Variants in RNASEH2B observed in about 807,000 individuals in gnomAD.
RNASEH2B encodes ribonuclease H2 subunit B, also known as Aicardi-Goutieres syndrome 2 protein.
In RNASEH2B, 36 loss-of-function variants were observed where a neutral mutation model predicts 45.0. That is an observed-to-expected ratio of 0.80 (90% confidence interval 0.61 to 1.06). The LOEUF (loss-of-function observed/expected upper bound fraction) is 1.06. RNASEH2B is among the 50% of genes least tolerant of loss of function. The pLI is 0.00. For synonymous variants in RNASEH2B, 119 were observed against 125.7 expected (o/e 0.95, Z 0.35); for missense variants, 361 against 360.3 (o/e 1.00, Z -0.02).
chr13:50,970,236 G>A (rs908262436), exon 10 of RNASEH2B: 9 of 564,048 alleles, frequency 1.6e-5, no homozygotes, highest in African/African-American at 1.2e-4. Flanking sequence ...AGGACCTCAA[G>A]CTTGGGTCAG....
At chr13:50,956,277 C>A in intron 10 of RNASEH2B, 81 bp from the exon 11 acceptor site, 2 of 1,154,826 alleles carry the variant, frequency 1.7e-6, no homozygotes, top group Admixed American at 2.1e-5. Context: ...AAACTTGAGA[C>A]ATGCAGTCTT....
downstream of RNASEH2B, among the ~76,000 whole-genome samples, chr13:50,961,615 C>G (rs1952112031): frequency 1.3e-5 from 2 of 152,030 alleles, no homozygotes; most frequent in African/African-American, 2.4e-5. Flanking sequence ...TCAAAGAACC[C>G]TGGTTCCTTT....
chr13:50,956,720 A>T lies in RNASEH2B; in HGVS notation c.*246A>T, dbSNP rs147825612. Reference sequence around the variant, plus strand: ...AAGTAATCACTTGAAGAGAATTAACATATAGCATCATGATTTTCTCAATAA... The same window carrying T: ...AAGTAATCACTTGAAGAGAATTAACTTATAGCATCATGATTTTCTCAATAA... On this transcript the variant is annotated 3_prime_UTR_variant, in exon 11 of 11. Transcript: ENST00000336617. 8.2e-7 allele frequency: 1 copy of T among 1,221,552 alleles called. No homozygotes were observed. Among genetic ancestry groups the T allele is most frequent in the Non-Finnish European group, 1.0e-6 (1 of 966,978 alleles). 75.7% of individuals were successfully genotyped at this position (1,221,552 alleles called of 1,614,324 possible).
At chr13:50,930,846 A>G (rs901159162) in intron 4 of RNASEH2B, 87 bp downstream of exon 4, 7 of 997,394 alleles carry the variant, frequency 7.0e-6, no homozygotes, top group Non-Finnish European at 1.1e-5. Flanking sequence ...TAATGATCCA[A>G]AGGTGGATTC....
chr13:50,932,521 G>A (rs1329698887), intron 4 of RNASEH2B, among the ~76,000 whole-genome samples: 1 of 152,158 alleles, frequency 6.6e-6, no homozygotes, highest in African/African-American at 2.4e-5. Flanking sequence ...CACCAGACTC[G>A]TGCTAAAGAG....
chr13:50,960,028 C>G (rs532824530), downstream of RNASEH2B: 1 of 390,026 alleles, frequency 2.6e-6, no homozygotes, highest in Admixed American at 4.5e-5. Context: ...TTACTCAAGT[C>G]TTAAGAATAC....
At chr13:50,937,026 T>C (rs1209432007) in intron 5 of RNASEH2B, 2 of 152,128 alleles carry the variant, frequency 1.3e-5, no homozygotes, top group Non-Finnish European at 2.9e-5. Context: ...AGGCCTCAAT[T>C]TTTTTCTTTA....
chr13:50,941,477 C>T (rs1401554914), intron 5 of RNASEH2B: 1 of 152,222 alleles, frequency 6.6e-6, no homozygotes, highest in Non-Finnish European at 1.5e-5. Context: ...AGATGGTAGA[C>T]ATTCTTTGAG....
At position 50,956,656 on chromosome 13, in the gene RNASEH2B, A is replaced by G. The variant is rs906639118; in HGVS notation, c.*182A>G. On this transcript the variant is annotated 3_prime_UTR_variant, in exon 11 of 11. Transcript: ENST00000336617. ...AAAATATGGGAAAGTGTCTAACTTCATGGCTATGGCCTTTTGGAGTCTCAT... is the reference window on the plus strand; with the variant it reads ...AAAATATGGGAAAGTGTCTAACTTCGTGGCTATGGCCTTTTGGAGTCTCAT... 2.9e-6 allele frequency: 4 copies of G among 1,376,458 alleles called. No homozygotes were observed. In the African/African-American group the frequency reaches 5.9e-5, roughly 20 times the overall value. 85.3% of individuals were successfully genotyped at this position (1,376,458 alleles called of 1,614,324 possible).
In RNASEH2B at chr13:50,956,434, T is replaced by G; in HGVS notation, c.899T>G (p.Phe300Cys). 1 of 1,601,054 alleles carries G rather than the reference T, an allele frequency of 6.2e-7. No individual in the cohort carries two copies. The change falls in exon 11 of 11, where the codon TTT becomes TGT. Residue 300 changes from phenylalanine (F) to cysteine (C), a missense_variant. Transcript: ENST00000336617. The stretch of plus-strand genomic sequence containing the variant: ...AGTGGAATGAAAAGTATTGATACCT[T>G]TTTTGGGGTAAAAAATAAAAAAAAA... ...DKSGMKSIDT[F>C]FGVKNKKKIG...
Position 50,909,973 on chromosome 13 carries a change from C to A in RNASEH2B, c.-104C>A. 4 of 1,030,326 alleles carry A rather than the reference C, an allele frequency of 3.9e-6. No homozygotes were observed. The highest frequency in any genetic ancestry group is 4.0e-6 in the Non-Finnish European group (3 of 742,950). 63.8% of individuals were successfully genotyped at this position (1,030,326 alleles called of 1,614,324 possible). On this transcript the variant is annotated 5_prime_UTR_variant, in exon 1 of 11. Transcript: ENST00000336617. ...CCCGGGCGCTGCCGGTCCCTCAGCG[C>A]GCCGCGCCACCCGGAACAGACCCTT...
chr13:50,925,060 C>T (rs1357996378), intron 1 of RNASEH2B, among the ~76,000 whole-genome samples: 2 of 151,796 alleles, frequency 1.3e-5, no homozygotes, highest in Non-Finnish European at 2.9e-5. Flanking sequence ...AAAGTTGTCC[C>T]GTAGTTTACT....
chr13:50,912,257 T>A (rs1284652257), intron 1 of RNASEH2B: 1 of 152,256 alleles, frequency 6.6e-6, no homozygotes, highest in Non-Finnish European at 1.5e-5. Flanking sequence ...GCGACTGCAG[T>A]GCAACACTAG....
chr13:50,925,162 C>T (rs1376604044), intron 1 of RNASEH2B, among the ~76,000 whole-genome samples: 1 of 151,826 alleles, frequency 6.6e-6, no homozygotes, highest in Non-Finnish European at 1.5e-5. Context: ...TTTTCTTCAG[C>T]TATTAATTTT....
At chr13:50,937,139 C>A (rs1951763572) in intron 5 of RNASEH2B, 1 of 152,074 alleles carries the variant, frequency 6.6e-6, no homozygotes, top group Non-Finnish European at 1.5e-5. Context: ...TTATCAAATT[C>A]TTCCCTTAAT....
chr13:50,950,205 G>T (rs1195846246), intron 9 of RNASEH2B: 1 of 152,298 alleles, frequency 6.6e-6, no homozygotes, highest in Non-Finnish European at 1.5e-5. Flanking sequence ...CAGCTTGTCA[G>T]TGAGGTCATT....
chr13:50,922,344 G>T (rs551135769), intron 1 of RNASEH2B, among the ~76,000 whole-genome samples: 2 of 152,316 alleles, frequency 1.3e-5, no homozygotes, highest in East Asian at 3.9e-4. Context: ...GCAGGGCTAT[G>T]TGCATGCTCA....
In RNASEH2B at chr13:50,953,968, G is replaced by T; in HGVS notation, c.805G>T (p.Asp269Tyr). Residue 269 changes from aspartate (D) to tyrosine (Y), a missense_variant, in exon 10 of 11, where the codon GAT (aspartate) becomes TAT (tyrosine). Coordinates refer to ENST00000336617, the MANE Select transcript of RNASEH2B (RefSeq NM_024570.4). ...KEDYTKFNTK[D>Y]LKTEKKNSKM... ...AGATTACACTAAGTTTAATACTAAA[G>T]ATTTGAAGACTGAAAAGGTATGTGG... 1 of 1,601,552 alleles carries T rather than the reference G, an allele frequency of 6.2e-7. No homozygotes were observed. Among genetic ancestry groups the T allele is most frequent in the African/African-American group, 1.3e-5 (1 of 74,756 alleles).
At chr13:50,943,483 G>T in intron 6 of RNASEH2B, 89 bp downstream of exon 6, 1 of 910,296 alleles carries the variant, frequency 1.1e-6, no homozygotes, top group Non-Finnish European at 1.8e-6. Context: ...TGAATCCAGA[G>T]ACCATCTTGT....
Sources: allele counts gnomAD v4.1 joint callset (sites outside exome capture counted in the v4.1 genomes callset), GRCh38; gene constraint gnomAD v4.1.1; transcripts MANE v1.5; gene names NCBI Gene and HGNC (gene_info 2026-07-23, HGNC 2026-07-21).